The following ARIH1 variants were observed in gnomAD, a reference collection of about 807,000 sequenced individuals.
ARIH1 encodes E3 ubiquitin-protein ligase ARIH1.
In ARIH1, 8 loss-of-function variants were observed where a neutral mutation model predicts 85.0. The observed-to-expected ratio is 0.09, with a 90% CI of 0.06 to 0.17. ARIH1 has a LOEUF of 0.17. Among genes scored for constraint, ARIH1 ranks in the 10% least tolerant of loss-of-function variants. The pLI, the probability that ARIH1 is intolerant of heterozygous loss-of-function variation, is 1.00. For synonymous variants in ARIH1, 238 were observed against 253.6 expected, an observed-to-expected ratio of 0.94 and a Z score of 0.59; for missense variants, 311 against 718.1, an observed-to-expected ratio of 0.43 and a Z score of 6.48.
chr15:72,575,098 C>A (rs2064264608), intron 11 of ARIH1, among the ~76,000 whole-genome samples: 2 of 151,718 alleles, frequency 1.3e-5, no homozygotes, highest in Admixed American at 1.3e-4. Context: ...TATCTCAGAA[C>A]AAAAAAACAA....
chr15:72,483,675 C>A (rs192530341), intron 1 of ARIH1, among the ~76,000 whole-genome samples: 68 of 152,286 alleles, frequency 4.5e-4, no homozygotes, highest in Non-Finnish European at 2.1e-4. Flanking sequence ...AAATTAATTA[C>A]TTTTGGCTTT....
chr15:72,581,063 T>TA, intron 12 of ARIH1, 72 bp downstream of exon 12: 1 of 1,482,924 alleles, frequency 6.7e-7, no homozygotes, highest in Non-Finnish European at 9.1e-7. Flanking sequence ...ATATATAAGA[T>TA]ACAGAGTTTT....
At chr15:72,513,316 A>G (rs2063958074) in intron 1 of ARIH1, among the ~76,000 whole-genome samples, 1 of 151,998 alleles carries the variant, frequency 6.6e-6, no homozygotes, top group African/African-American at 2.4e-5. Flanking sequence ...TTACTATTTT[A>G]GTGGTTGCTC....
chr15:72,496,867 G>T (rs2063882205), intron 1 of ARIH1: 1 of 985,298 alleles, frequency 1.0e-6, no homozygotes, highest in African/African-American at 1.7e-5. Context: ...AGGTAGGACA[G>T]AATCATTCCA....
chr15:72,534,006 A>C (rs12439018), intron 2 of ARIH1, among the ~76,000 whole-genome samples: 1 of 152,044 alleles, frequency 6.6e-6, no homozygotes, highest in Non-Finnish European at 1.5e-5. Flanking sequence ...CACTAGATAG[A>C]TAATTATGGT....
chr15:72,494,308 G>A (rs995843877), intron 1 of ARIH1, among the ~76,000 whole-genome samples: 3 of 152,164 alleles, frequency 2.0e-5, no homozygotes, highest in Non-Finnish European at 2.9e-5. Context: ...AGAAGCATAA[G>A]GTCGAGAAGG....
chr15:72,555,167 T>G (rs2064169725), intron 3 of ARIH1, 104 bp from the exon 4 acceptor site: 1 of 770,188 alleles, frequency 1.3e-6, no homozygotes, highest in East Asian at 2.7e-5. Context: ...TTGGACATTT[T>G]AGCCACGTAA....
At chr15:72,476,052 T>C (rs934310780) in intron 1 of ARIH1, among the ~76,000 whole-genome samples, 1 of 152,234 alleles carries the variant, frequency 6.6e-6, no homozygotes, top group Admixed American at 6.5e-5. Context: ...GAAACATATA[T>C]GAGCAGCAAG....
At chr15:72,567,291 C>A in intron 9 of ARIH1, 114 bp downstream of exon 9, 1 of 744,576 alleles carries the variant, frequency 1.3e-6, no homozygotes, top group Non-Finnish European at 2.2e-6. Context: ...TCTTTTTCTC[C>A]ATTGAGTCTT....
chr15:72,562,176 C>T (rs1389439220), intron 6 of ARIH1, among the ~76,000 whole-genome samples: 3 of 152,088 alleles, frequency 2.0e-5, no homozygotes, highest in Non-Finnish European at 4.4e-5. Context: ...TTTCTCTGCT[C>T]GTTTTAGGTT....
intron 3 of ARIH1, among the ~76,000 whole-genome samples, chr15:72,546,906 C>T (rs1038472735): frequency 7.4e-6 from 1 of 134,546 alleles, no homozygotes; most frequent in Non-Finnish European, 1.6e-5. Context: ...GGTTTCTTCT[C>T]CTTTTCTTTT....
At chr15:72,503,338 A>G (rs1481023448) in intron 1 of ARIH1, among the ~76,000 whole-genome samples, 2 of 152,164 alleles carry the variant, frequency 1.3e-5, no homozygotes, top group Non-Finnish European at 2.9e-5. Context: ...CAGCAGCTAG[A>G]CTGTTTTATT....
At chr15:72,498,943 GT>G (rs199705592) in intron 1 of ARIH1, among the ~76,000 whole-genome samples, 2,174 of 138,762 alleles carry the variant, frequency 0.016, 57 homozygotes, top group African/African-American at 0.061. Flanking sequence ...TTTTTATGTC[GT>G]TTGCACCTTT....
At chr15:72,566,851 A>G (rs2064223240) in intron 8 of ARIH1, among the ~76,000 whole-genome samples, 1 of 152,164 alleles carries the variant, frequency 6.6e-6, no homozygotes, top group Non-Finnish European at 1.5e-5. Flanking sequence ...AGGGGAATAC[A>G]CACCTTGCAG....
rs2064100767 is a variant in ARIH1 at position 72,540,247 on chromosome 15, A to T, written c.444-4573A>T. ...TACTCCAGCCTGGGTGACAAGAGCG[A>T]GACTTTGTCTCAAAAAAAAAAAAAA... On this transcript the variant is annotated intron_variant, in intron 2 of 13. Transcript: ENST00000379887. Among the ~76,000 whole-genome samples the T allele has an allele frequency of 3.3e-5, 4 of 120,790 alleles. No homozygotes were observed. In the Admixed American group the frequency reaches 3.9e-4, roughly 12 times the overall value. 79.2% of individuals were successfully genotyped at this position (120,790 alleles called of 152,430 possible).
At chr15:72,570,040 T>C (rs2064236420) in intron 9 of ARIH1, 137 bp from the exon 10 acceptor site, 3 of 931,866 alleles carry the variant, frequency 3.2e-6, no homozygotes, top group Non-Finnish European at 4.8e-6. Flanking sequence ...TTCAACACTG[T>C]TCTAAGTGCT....
chr15:72,534,000 A>G (rs1236333215), intron 2 of ARIH1, among the ~76,000 whole-genome samples: 2 of 152,186 alleles, frequency 1.3e-5, no homozygotes, highest in Non-Finnish European at 2.9e-5. Flanking sequence ...CTATTACACT[A>G]GATAGATAAT....
In ARIH1 at chr15:72,474,529, G is replaced by C. The variant is rs1241834699; in HGVS notation, c.-111G>C. On this transcript the variant is annotated 5_prime_UTR_variant, in exon 1 of 14. Transcript: ENST00000379887. ...AGGAGCCGCGGCTCGCGGGGCCGGA[G>C]CCAGGCCTGCGTCCGGACATCAGCC... 1 of 1,352,994 alleles carries C rather than the reference G, an allele frequency of 7.4e-7. No homozygotes were observed. The highest frequency in any genetic ancestry group is 9.7e-7 in the Non-Finnish European group (1 of 1,032,958). The allele number at this position is 1,352,994 out of a possible 1,614,324, so 83.8% of individuals were successfully genotyped here.
chr15:72,576,952 T>A (rs1310663761), intron 11 of ARIH1, among the ~76,000 whole-genome samples: 2 of 152,120 alleles, frequency 1.3e-5, no homozygotes, highest in Non-Finnish European at 2.9e-5. Context: ...ACATATTTTG[T>A]ATGTTACATG....
Sources: allele counts gnomAD v4.1 joint callset (sites outside exome capture counted in the v4.1 genomes callset), GRCh38; gene constraint gnomAD v4.1.1; transcripts MANE v1.5; gene names NCBI Gene and HGNC (gene_info 2026-07-23, HGNC 2026-07-21).